Variants in KCND2 observed in about 807,000 individuals in gnomAD.
KCND2 encodes the protein A-type voltage-gated potassium channel KCND2.
In KCND2, 16 loss-of-function variants were observed where a neutral mutation model predicts 54.4. The observed-to-expected ratio is 0.29, with a 90% CI of 0.20 to 0.45. The LOEUF (loss-of-function observed/expected upper bound fraction) is 0.45. Ranked by LOEUF, KCND2 falls within the 20% of genes least tolerant of loss-of-function variation. The pLI, the probability that KCND2 is intolerant of heterozygous loss-of-function variation, is 1.00. For synonymous variants in KCND2, 317 were observed against 310.7 expected (o/e 1.02, Z -0.21); for missense variants, 486 against 824.2 (o/e 0.59, Z 5.02).
At chr7:120,451,655 A>T (rs934351337) in intron 1 of KCND2, among the ~76,000 whole-genome samples, 2 of 152,180 alleles carry the variant, frequency 1.3e-5, no homozygotes, top group African/African-American at 4.8e-5. Context: ...TAAAAAACAC[A>T]TGTCTCACAT....
chr7:120,480,000 T>C (rs949955224), intron 1 of KCND2, among the ~76,000 whole-genome samples: 1 of 150,220 alleles, frequency 6.7e-6, no homozygotes, highest in Non-Finnish European at 1.5e-5. Context: ...AGTATGAGCT[T>C]ATAGATTTAC....
At position 120,745,919 on chromosome 7, in the gene KCND2, A is replaced by G. The variant is rs748324168; in HGVS notation, c.1607A>G (p.Lys536Arg). Residue 536 changes from lysine (K) to arginine (R), a missense_variant, in exon 5 of 6, where the codon AAA becomes AGA. Physicochemically the swap from Lys to Arg is conservative, Grantham distance 26. Coordinates refer to ENST00000331113, the MANE Select transcript of KCND2 (RefSeq NM_012281.3). ...ACCTGCTGTTCACGACGACACAAAA[A>G]AACTTTTCGCATCCCAAATGCCAAT... ...TSTCCSRRHK[K>R]TFRIPNANVS... 21 of 1,613,900 alleles carry G rather than the reference A, an allele frequency of 1.3e-5. No individual in the cohort carries two copies. The highest frequency in any genetic ancestry group is 2.5e-6 in the Non-Finnish European group (3 of 1,179,862).
chr7:120,320,360 A>T (rs1020864121), intron 1 of KCND2, among the ~76,000 whole-genome samples: 2 of 152,114 alleles, frequency 1.3e-5, no homozygotes, highest in Non-Finnish European at 2.9e-5. Flanking sequence ...ATTGTCTAAG[A>T]TTGGAATGGG....
chr7:120,661,016 T>C (rs1584873376), intron 1 of KCND2, among the ~76,000 whole-genome samples: 1 of 152,224 alleles, frequency 6.6e-6, no homozygotes. Context: ...GCAGATTTCA[T>C]ACATGCATAA....
In KCND2 at chr7:120,311,915, A is replaced by G. The variant is rs540805183; in HGVS notation, c.1115+36168A>G. The stretch of plus-strand genomic sequence containing the variant: ...GACATGGTCTCAATTTTTTTCTTTT[A>G]TATTTTGAGATGGAGTTTAGCTCTT... On this transcript the variant is annotated intron_variant, in intron 1 of 5. Transcript: ENST00000331113. 6.6e-5 allele frequency among the ~76,000 whole-genome samples: 10 copies of G among 151,780 alleles called. 1 individual carries two copies. Among genetic ancestry groups the G allele is most frequent in the South Asian group, 6.2e-4 (3 of 4,822 alleles).
At chr7:120,636,659 A>G (rs1250671864) in intron 1 of KCND2, among the ~76,000 whole-genome samples, 1 of 152,098 alleles carries the variant, frequency 6.6e-6, no homozygotes, top group East Asian at 1.9e-4. Context: ...TGCTTTGCCT[A>G]TATAAGTGGA....
At chr7:120,624,467 G>A (rs1793140410) in intron 1 of KCND2, among the ~76,000 whole-genome samples, 1 of 152,088 alleles carries the variant, frequency 6.6e-6, no homozygotes, top group Non-Finnish European at 1.5e-5. Context: ...CAATTAGACA[G>A]AAACACATGA....
At chr7:120,412,220 C>G (rs1253713948) in intron 1 of KCND2, among the ~76,000 whole-genome samples, 1 of 151,992 alleles carries the variant, frequency 6.6e-6, no homozygotes, top group East Asian at 1.9e-4. Context: ...ATCAAACAAA[C>G]AAATGCAAAA....
At chr7:120,747,091 A>G (rs1355105842) in intron 5 of KCND2, among the ~76,000 whole-genome samples, 1 of 152,128 alleles carries the variant, frequency 6.6e-6, no homozygotes, top group Non-Finnish European at 1.5e-5. Context: ...TTCTGTGTAT[A>G]TCCTTCTCTC....
chr7:120,443,139 G>T (rs1462324737), intron 1 of KCND2, among the ~76,000 whole-genome samples: 1 of 151,948 alleles, frequency 6.6e-6, no homozygotes, highest in Non-Finnish European at 1.5e-5. Context: ...CCACTAATCA[G>T]GATGAGCTGT....
At chr7:120,456,224 G>T (rs1370851378) in intron 1 of KCND2, among the ~76,000 whole-genome samples, 2 of 152,140 alleles carry the variant, frequency 1.3e-5, no homozygotes, top group African/African-American at 2.4e-5. Context: ...ATTTTAAGAT[G>T]ATTGGTCTAA....
intron 1 of KCND2, among the ~76,000 whole-genome samples, chr7:120,428,915 G>C (rs1450382946): frequency 1.3e-5 from 2 of 151,982 alleles, no homozygotes; most frequent in African/African-American, 4.8e-5. Flanking sequence ...CTCTCCAATT[G>C]TTGCTCTTTG....
chr7:120,444,819 T>C (rs1361072378), intron 1 of KCND2, among the ~76,000 whole-genome samples: 2 of 152,274 alleles, frequency 1.3e-5, no homozygotes, highest in African/African-American at 2.4e-5. Context: ...TAAGGTGTAA[T>C]GATTCAGAGA....
At chr7:120,440,206 G>A (rs1801927909) in intron 1 of KCND2, among the ~76,000 whole-genome samples, 1 of 151,976 alleles carries the variant, frequency 6.6e-6, no homozygotes, top group South Asian at 2.1e-4. Context: ...GGAGTGAGAT[G>A]ATATTTCATT....
chr7:120,602,722 C>G (rs1166567618), intron 1 of KCND2, among the ~76,000 whole-genome samples: 1 of 152,130 alleles, frequency 6.6e-6, no homozygotes, highest in Non-Finnish European at 1.5e-5. Flanking sequence ...ATTGAATGTC[C>G]AAACTTCAGA....
chr7:120,536,586 G>T lies in KCND2; in HGVS notation c.1116-196317G>T, dbSNP rs184230454. ...TGTGTAATATCCTAAAGCCTTTGTT[G>T]TCATTGCAACAATATTCACAGTATC... is the stretch of plus-strand genomic sequence containing the variant. On this transcript the variant is annotated intron_variant, in intron 1 of 5. Coordinates refer to ENST00000331113, the MANE Select transcript of KCND2 (RefSeq NM_012281.3). 4.6e-5 allele frequency among the ~76,000 whole-genome samples: 7 copies of T among 152,162 alleles called. No homozygotes were observed. In the East Asian group the frequency reaches 1.4e-3, roughly 29 times the overall value.
At chr7:120,558,392 T>G (rs1422746660) in intron 1 of KCND2, among the ~76,000 whole-genome samples, 1 of 152,104 alleles carries the variant, frequency 6.6e-6, no homozygotes, top group African/African-American at 2.4e-5. Context: ...ATTCTTGGTG[T>G]TATCAGAAGC....
rs1263758534 is a variant in KCND2 at position 120,275,341 on chromosome 7, G to A, written c.709G>A (p.Val237Ile). Residue 237 changes from valine to isoleucine, a missense_variant, in exon 1 of 6, where the codon GTC (valine) becomes ATC (isoleucine). Around this residue, in one of 7 missense-constraint regions of KCND2, gnomAD observed 231 missense variants for 386.0 expected, o/e 0.60. Transcript: ENST00000331113. ...CTTCTTCTGCTTGGACACGGCCTGC[G>A]TCATGATCTTCACAGTTGAGTATTT... ...VAFFCLDTAC[V>I]MIFTVEYLLR... The A allele has an allele frequency of 1.9e-6, 3 of 1,613,600 alleles. No homozygotes were observed. Among genetic ancestry groups the A allele is most frequent in the Non-Finnish European group, 2.5e-6 (3 of 1,179,978 alleles).
Position 120,458,844 on chromosome 7 carries a change from T to A in KCND2, c.1115+183097T>A, listed in dbSNP as rs561710301. Among the ~76,000 whole-genome samples, 126 of 150,536 alleles carry A rather than the reference T, an allele frequency of 8.4e-4. 1 individual carries two copies. Among genetic ancestry groups the A allele is most frequent in the African/African-American group, 1.2e-3 (49 of 41,224 alleles). ...CAGATTATATCCAAAAAATAATAAT[T>A]ATTATTATTATATTATTAGCATTAT... On this transcript the variant is annotated intron_variant, in intron 1 of 5. Coordinates refer to ENST00000331113, the MANE Select transcript of KCND2 (RefSeq NM_012281.3).
Sources: allele counts gnomAD v4.1 joint callset (sites outside exome capture counted in the v4.1 genomes callset), GRCh38; gene constraint gnomAD v4.1.1; regional missense constraint gnomAD v4.1.1; transcripts MANE v1.5; gene names NCBI Gene and HGNC (gene_info 2026-07-23, HGNC 2026-07-21).